Variants in PLEKHG7 observed in about 807,000 individuals in gnomAD.
The protein encoded by PLEKHG7 is pleckstrin homology domain-containing family G member 7.
PLEKHG7 carries 77 observed loss-of-function variants against 85.2 expected under a neutral mutation model. That is an observed-to-expected ratio of 0.90 (90% CI 0.75 to 1.09). The LOEUF (loss-of-function observed/expected upper bound fraction) is 1.09, where lower values mean the gene tolerates loss of function less well. Ranked by LOEUF, PLEKHG7 falls within the 50% of genes least tolerant of loss-of-function variation. The pLI is 0.00. For missense variants in PLEKHG7, 777 were observed against 804.3 expected (o/e 0.97, Z 0.41); for synonymous variants, 301 against 302.4 (o/e 1.00, Z 0.05).
chr12:92,760,435 G>C (rs1872953746), intron 13 of PLEKHG7, among the ~76,000 whole-genome samples: 2 of 152,032 alleles, frequency 1.3e-5, no homozygotes, highest in Admixed American at 6.6e-5. Flanking sequence ...AGAATGAGAG[G>C]AGATAGAAAT....
At chr12:92,732,201 C>G (rs906276656) in intron 4 of PLEKHG7, 32 bp from the exon 5 acceptor site, 62 of 1,211,242 alleles carry the variant, frequency 5.1e-5, no homozygotes, top group Non-Finnish European at 6.1e-5. Flanking sequence ...TCTAAGTACT[C>G]GTAATAATAT....
chr12:92,721,560 G>A, intron 3 of PLEKHG7: 1 of 1,127,580 alleles, frequency 8.9e-7, no homozygotes, highest in Non-Finnish European at 1.1e-6. Context: ...GTTTCTACAT[G>A]GTGGGTGGGG....
rs1873432454 is a variant in PLEKHG7, at chr12:92,771,548, G to A, written c.*1353G>A. On this transcript the variant is annotated 3_prime_UTR_variant, in exon 17 of 17. Transcript: ENST00000344636. Reference sequence around the variant, plus strand: ...AATAGCTAAGAATAAATGAGGTGGAGGGGAGAAAAAGGGGAGAATAGACTT... The same window carrying A: ...AATAGCTAAGAATAAATGAGGTGGAAGGGAGAAAAAGGGGAGAATAGACTT... 1.3e-5 allele frequency: 2 copies of A among 151,958 alleles called. No individual in the cohort carries two copies. The highest frequency in any genetic ancestry group is 4.1e-4 in the South Asian group (2 of 4,826). 9.4% of individuals were successfully genotyped at this position (151,958 alleles called of 1,614,324 possible).
At chr12:92,730,158 A>G (rs1223496616) in intron 4 of PLEKHG7, among the ~76,000 whole-genome samples, 1 of 152,174 alleles carries the variant, frequency 6.6e-6, no homozygotes, top group African/African-American at 2.4e-5. Flanking sequence ...ACATGTTTAT[A>G]GCTCTTTATT....
chr12:92,768,657 CA>C (rs1159714944), intron 15 of PLEKHG7, among the ~76,000 whole-genome samples: 2 of 152,048 alleles, frequency 1.3e-5, no homozygotes, highest in East Asian at 1.9e-4. Context: ...TTTTCATACA[CA>C]AAAAAATCTA....
chr12:92,740,094 G>A (rs1872304389), intron 7 of PLEKHG7, among the ~76,000 whole-genome samples: 1 of 152,198 alleles, frequency 6.6e-6, no homozygotes, highest in Non-Finnish European at 1.5e-5. Context: ...ATAGGAATTG[G>A]AGAAGGTTAT....
At chr12:92,720,453 G>A (rs1186802819) in intron 3 of PLEKHG7, among the ~76,000 whole-genome samples, 1 of 151,942 alleles carries the variant, frequency 6.6e-6, no homozygotes, top group Non-Finnish European at 1.5e-5. Flanking sequence ...AGTCTCCTGA[G>A]TAGCTGGGAC....
chr12:92,738,940 C>A (rs899570874), intron 7 of PLEKHG7, among the ~76,000 whole-genome samples: 1 of 152,094 alleles, frequency 6.6e-6, no homozygotes, highest in Admixed American at 6.6e-5. Context: ...TACAAGAGCA[C>A]GTAATAGAAA....
chr12:92,761,765 C>G lies in PLEKHG7; in HGVS notation c.1650C>G (p.Phe550Leu). 1 of 1,575,658 alleles carries G rather than the reference C, an allele frequency of 6.3e-7. No individual in the cohort carries two copies. Among genetic ancestry groups the G allele is most frequent in the East Asian group, 2.4e-5 (1 of 41,342 alleles). Residue 550 changes from phenylalanine to leucine, a missense_variant, in exon 14 of 17, where the codon TTC becomes TTG. Physicochemically the swap from Phe to Leu is conservative, Grantham distance 22. This residue lies in a region of PLEKHG7 where 520 missense variants were observed against 544.0 expected (regional missense o/e 0.96). Transcript: ENST00000344636. Reference sequence around the variant, plus strand: ...TTTTTTCCTCAGAAAGCACGAGATTCCTAGATGTTTATCTGTTTCTCTTCA... The same window carrying G: ...TTTTTTCCTCAGAAAGCACGAGATTGCTAGATGTTTATCTGTTTCTCTTCA... ...GKLTLAESTR[F>L]LDVYLFLFND...
intron 11 of PLEKHG7, 118 bp from the exon 12 acceptor site, chr12:92,755,706 AT>A: frequency 1.4e-6 from 1 of 729,348 alleles, no homozygotes; most frequent in South Asian, 1.6e-5. Context: ...TGAACTTTAT[AT>A]ATTGTCTGGC....
intron 11 of PLEKHG7, 42 bp from the exon 12 acceptor site, chr12:92,755,783 C>A (rs1466281114): frequency 7.8e-7 from 1 of 1,288,132 alleles, no homozygotes; most frequent in Non-Finnish European, 1.1e-6. Context: ...ACTGCAATGT[C>A]ATATGCACCT....
intron 3 of PLEKHG7, among the ~76,000 whole-genome samples, chr12:92,713,485 A>T (rs889741278): frequency 6.6e-6 from 1 of 152,164 alleles, no homozygotes; most frequent in Non-Finnish European, 1.5e-5. Context: ...TTGATGGTTG[A>T]GTGCTGCCAC....
intron 13 of PLEKHG7, among the ~76,000 whole-genome samples, chr12:92,757,294 G>A (rs771106132): frequency 1.3e-5 from 2 of 152,178 alleles, no homozygotes; most frequent in Admixed American, 6.5e-5. Context: ...ATATCATGAT[G>A]ATCAGAAAGG....
intron 9 of PLEKHG7, 84 bp from the exon 10 acceptor site, chr12:92,745,394 T>A: frequency 1.1e-6 from 1 of 917,348 alleles, no homozygotes; most frequent in African/African-American, 1.8e-5. Flanking sequence ...TAGTTAATGA[T>A]AAAAGTGAGG....
At chr12:92,743,342 C>T (rs1872423670) in intron 9 of PLEKHG7, among the ~76,000 whole-genome samples, 1 of 152,170 alleles carries the variant, frequency 6.6e-6, no homozygotes, top group Admixed American at 6.5e-5. Context: ...TCATCCTCCC[C>T]AAGAAGAGCA....
chr12:92,719,877 G>A (rs955661660), intron 3 of PLEKHG7, among the ~76,000 whole-genome samples: 2 of 152,196 alleles, frequency 1.3e-5, no homozygotes, highest in African/African-American at 4.8e-5. Flanking sequence ...GCCACAGAAG[G>A]AGAGAAGGAG....
At chr12:92,717,159 A>C (rs1386134837) in intron 3 of PLEKHG7, among the ~76,000 whole-genome samples, 2 of 152,260 alleles carry the variant, frequency 1.3e-5, no homozygotes, top group Non-Finnish European at 2.9e-5. Flanking sequence ...TACATGCTAC[A>C]TTTCTATAAG....
chr12:92,711,022 T>C (rs1336178361), intron 3 of PLEKHG7, among the ~76,000 whole-genome samples: 1 of 152,188 alleles, frequency 6.6e-6, no homozygotes, highest in Non-Finnish European at 1.5e-5. Flanking sequence ...AATTTTCCAA[T>C]CATACTTCTT....
intron 3 of PLEKHG7, among the ~76,000 whole-genome samples, chr12:92,708,782 A>G (rs974754304): frequency 2.0e-5 from 3 of 152,196 alleles, no homozygotes; most frequent in African/African-American, 7.2e-5. Flanking sequence ...AATCTGGTCT[A>G]ATTTTATTGA....
Sources: gnomAD v4.1 joint callset for allele counts (sites outside exome capture counted in the v4.1 genomes callset) on GRCh38, gnomAD v4.1.1 for gene constraint, gnomAD v4.1.1 regional missense constraint, MANE v1.5 for transcripts, NCBI Gene and HGNC (gene_info 2026-07-23, HGNC 2026-07-21) for gene names.